Variants in CPQ observed in about 807,000 individuals in gnomAD.
The protein encoded by CPQ is Ser-Met dipeptidase.
Under a neutral mutation model 45.7 loss-of-function variants are expected in CPQ, and 37 were observed. The ratio of observed to expected loss-of-function variants is 0.81; its 90% confidence interval spans 0.62 to 1.07. The LOEUF is 1.07. Ranked by LOEUF, CPQ falls within the 50% of genes least tolerant of loss-of-function variation. The pLI is 0.00. For synonymous variants in CPQ, 186 were observed against 205.8 expected, an observed-to-expected ratio of 0.90 and a Z score of 0.82; for missense variants, 537 against 572.9, an observed-to-expected ratio of 0.94 and a Z score of 0.64.
intron 6 of CPQ, among the ~76,000 whole-genome samples, chr8:97,041,632 T>A (rs530755508): frequency 6.6e-6 from 1 of 152,196 alleles, no homozygotes; most frequent in Non-Finnish European, 1.5e-5. Flanking sequence ...TGTCATAGAT[T>A]GCTCTTATTA....
At chr8:96,965,097 C>T (rs1404082364) in intron 4 of CPQ, among the ~76,000 whole-genome samples, 1 of 151,786 alleles carries the variant, frequency 6.6e-6, no homozygotes, top group Non-Finnish European at 1.5e-5. Context: ...TTGAAATTTC[C>T]CTTAAAAGTT....
At chr8:97,014,431 A>G (rs1809543771) in intron 5 of CPQ, among the ~76,000 whole-genome samples, 3 of 152,104 alleles carry the variant, frequency 2.0e-5, no homozygotes, top group Admixed American at 2.0e-4. Flanking sequence ...CGGGCAGATC[A>G]CTTGAGGTCA....
chr8:96,947,004 A>G (rs1813198514), intron 4 of CPQ, among the ~76,000 whole-genome samples: 2 of 152,160 alleles, frequency 1.3e-5, no homozygotes, highest in South Asian at 4.1e-4. Context: ...TCCTCCAATT[A>G]GAATGTAAGT....
chr8:96,659,113 T>C (rs1031426627), intron 1 of CPQ, among the ~76,000 whole-genome samples: 3 of 152,224 alleles, frequency 2.0e-5, no homozygotes, highest in Non-Finnish European at 4.4e-5. Flanking sequence ...CCACTATTAT[T>C]ATCCATTGGT....
intron 1 of CPQ, among the ~76,000 whole-genome samples, chr8:96,742,977 T>G (rs1014757197): frequency 1.3e-5 from 2 of 152,036 alleles, no homozygotes; most frequent in Non-Finnish European, 2.9e-5. Context: ...TCTCGAGGAG[T>G]ATCTTTGTGG....
chr8:96,828,691 T>A (rs957382138), intron 2 of CPQ, among the ~76,000 whole-genome samples: 3 of 152,016 alleles, frequency 2.0e-5, no homozygotes, highest in Non-Finnish European at 4.4e-5. Context: ...CGTCCCTCAC[T>A]CACGCACATT....
At chr8:96,673,713 A>G (rs925806740) in intron 1 of CPQ, among the ~76,000 whole-genome samples, 1 of 152,136 alleles carries the variant, frequency 6.6e-6, no homozygotes, top group African/African-American at 2.4e-5. Context: ...GGACATCCAT[A>G]AGACTTCAGC....
At chr8:96,732,771 C>A (rs558341063) in intron 1 of CPQ, among the ~76,000 whole-genome samples, 1 of 152,182 alleles carries the variant, frequency 6.6e-6, no homozygotes, top group Non-Finnish European at 1.5e-5. Context: ...TGCTATCTGA[C>A]ATACCTATGC....
chr8:96,791,888 G>T (rs1810850821), intron 2 of CPQ, among the ~76,000 whole-genome samples: 2 of 152,156 alleles, frequency 1.3e-5, no homozygotes, highest in Admixed American at 6.6e-5. Context: ...TTGGAATGTT[G>T]AATCTGTAAG....
chr8:96,867,151 C>T (rs185372006), intron 3 of CPQ, among the ~76,000 whole-genome samples: 172 of 152,118 alleles, frequency 1.1e-3, no homozygotes, highest in Non-Finnish European at 1.6e-3. Flanking sequence ...AAGATCTTGG[C>T]AATGTTTCTT....
chr8:96,683,910 G>C (rs745468697), intron 1 of CPQ, among the ~76,000 whole-genome samples: 1 of 151,870 alleles, frequency 6.6e-6, no homozygotes, highest in Admixed American at 6.6e-5. Flanking sequence ...TTGGATATCT[G>C]TCTCTGGTAT....
intron 7 of CPQ, among the ~76,000 whole-genome samples, chr8:97,094,507 G>A (rs987417985): frequency 3.3e-5 from 5 of 152,030 alleles, no homozygotes; most frequent in Admixed American, 2.0e-4. Context: ...CACCACTGAG[G>A]TTATTCTCCT....
chr8:96,848,868 A>G (rs1291761290), intron 3 of CPQ, among the ~76,000 whole-genome samples: 1 of 152,140 alleles, frequency 6.6e-6, no homozygotes, highest in Non-Finnish European at 1.5e-5. Flanking sequence ...ATTTGTCAGC[A>G]TTTTGTGTCA....
chr8:97,031,102 G>A, intron 6 of CPQ, among the ~76,000 whole-genome samples: 1 of 151,872 alleles, frequency 6.6e-6, no homozygotes, highest in East Asian at 1.9e-4. Flanking sequence ...CTCGAGGCAA[G>A]AGAGTAACTT....
intron 4 of CPQ, among the ~76,000 whole-genome samples, chr8:96,908,167 C>CGA (rs1415627829): frequency 1.4e-5 from 2 of 143,716 alleles, no homozygotes; most frequent in East Asian, 4.0e-4. Context: ...GAGAGAGAGA[C>CGA]GAGAGAGAGA....
rs184376394 is a variant in CPQ, at chr8:96,662,183, G to C, written c.-35+16781G>C. Among the ~76,000 whole-genome samples the C allele has an allele frequency of 4.9e-4, 75 of 152,138 alleles. No individual in the cohort carries two copies. In the East Asian group the frequency reaches 0.012, roughly 24 times the overall value. On this transcript the variant is annotated intron_variant, in intron 1 of 7. Transcript: ENST00000220763. ...AGTTCTTTGTATATTTTGGATAATA[G>C]TCCTTATATTTAATATGTCTTTTGC...
At chr8:97,055,373 T>A (rs1424766669) in intron 6 of CPQ, among the ~76,000 whole-genome samples, 1 of 152,188 alleles carries the variant, frequency 6.6e-6, no homozygotes, top group Non-Finnish European at 1.5e-5. Flanking sequence ...TGGATAGAGA[T>A]GGTTTTGTGG....
chr8:97,043,371 T>G (rs1310946220), intron 6 of CPQ, among the ~76,000 whole-genome samples: 1 of 152,084 alleles, frequency 6.6e-6, no homozygotes, highest in Non-Finnish European at 1.5e-5. Flanking sequence ...ATTTTGAGCC[T>G]ATGTGTGTCT....
At chr8:97,088,316 T>G (rs1246889778) in intron 7 of CPQ, among the ~76,000 whole-genome samples, 1 of 152,230 alleles carries the variant, frequency 6.6e-6, no homozygotes, top group East Asian at 1.9e-4. Flanking sequence ...TGCCTTGATT[T>G]ATACATCTGT....
Sources: gnomAD v4.1 joint callset for allele counts (sites outside exome capture counted in the v4.1 genomes callset) on GRCh38, gnomAD v4.1.1 for gene constraint, MANE v1.5 for transcripts, NCBI Gene and HGNC (gene_info 2026-07-23, HGNC 2026-07-21) for gene names.